The following ABCC4 variants were observed in gnomAD, a reference collection of about 807,000 sequenced individuals.
The protein encoded by ABCC4 is ATP-binding cassette sub-family C member 4.
In ABCC4, 102 loss-of-function variants were observed where a neutral mutation model predicts 168.5. The ratio of observed to expected loss-of-function variants is 0.61; its 90% confidence interval spans 0.52 to 0.71. ABCC4 has a LOEUF of 0.71. ABCC4 is among the 30% of genes least tolerant of loss of function. The pLI is 0.00. For synonymous variants in ABCC4, 617 were observed against 590.7 expected (o/e 1.04, Z -0.65); for missense variants, 1,402 against 1,605.8 (o/e 0.87, Z 2.17).
At chr13:95,200,494 G>A (rs1337376254) in intron 8 of ABCC4, among the ~76,000 whole-genome samples, 4 of 152,128 alleles carry the variant, frequency 2.6e-5, no homozygotes, top group Admixed American at 2.0e-4. Context: ...AGGCCGACGC[G>A]GGTGGATCAC....
At position 95,213,935 on chromosome 13, in the gene ABCC4, C is replaced by A. The variant is rs577882482; in HGVS notation, c.532-3154G>T. ...GAAACAATAAAATGTGACCTGTAATCAAAGGAGGGAAATGGCAACAGAAAT... is the reference window on the plus strand; with the variant it reads ...GAAACAATAAAATGTGACCTGTAATAAAAGGAGGGAAATGGCAACAGAAAT... On this transcript the variant is annotated intron_variant, in intron 4 of 30. Transcript: ENST00000645237. Among the ~76,000 whole-genome samples, 8 of 151,908 alleles carry A rather than the reference C, an allele frequency of 5.3e-5. No individual in the cohort carries two copies. In the South Asian group the frequency reaches 6.3e-4, roughly 12 times the overall value.
At chr13:95,145,223 C>T (rs2139491469) in intron 19 of ABCC4, among the ~76,000 whole-genome samples, 1 of 152,232 alleles carries the variant, frequency 6.6e-6, no homozygotes, top group Middle Eastern at 3.4e-3. Flanking sequence ...TTGTGGGAAG[C>T]AGTCTGGAGA....
intron 1 of ABCC4, among the ~76,000 whole-genome samples, chr13:95,295,074 C>T (rs2041494818): frequency 6.6e-6 from 1 of 152,168 alleles, no homozygotes; most frequent in South Asian, 2.1e-4. Flanking sequence ...AGACACCGAT[C>T]AAGTAGAATT....
chr13:95,071,933 T>C (rs1452151213), intron 24 of ABCC4, 80 bp from the exon 25 acceptor site: 3 of 1,088,570 alleles, frequency 2.8e-6, no homozygotes, highest in African/African-American at 1.6e-5. Flanking sequence ...AATGAAATGT[T>C]CTTCTTTCAT....
intron 8 of ABCC4, among the ~76,000 whole-genome samples, chr13:95,198,437 T>C (rs1323882709): frequency 1.3e-5 from 2 of 152,132 alleles, no homozygotes; most frequent in Non-Finnish European, 2.9e-5. Context: ...AGAATGGTGA[T>C]CATTAAAAAG....
intron 25 of ABCC4, 111 bp downstream of exon 25, chr13:95,071,551 A>C: frequency 1.8e-5 from 16 of 901,522 alleles, no homozygotes; most frequent in Non-Finnish European, 2.3e-5. Context: ...TTTCCAAGAC[A>C]GGTTAACCTA....
At chr13:95,065,806 C>T (rs1373939654) in intron 25 of ABCC4, among the ~76,000 whole-genome samples, 1 of 152,138 alleles carries the variant, frequency 6.6e-6, no homozygotes, top group Non-Finnish European at 1.5e-5. Context: ...AATTCACTAA[C>T]CAGGGTATTA....
Position 95,131,778 on chromosome 13 carries a change from A to G in ABCC4, c.2456-15777T>C, listed in dbSNP as rs147285456. On this transcript the variant is annotated intron_variant, in intron 19 of 30. Coordinates refer to ENST00000645237, the MANE Select transcript of ABCC4 (RefSeq NM_005845.5). The stretch of plus-strand genomic sequence containing the variant: ...CCTTACACCCAGGAGCATGGCTACT[A>G]TCATAAAACCAGAAAATACCAAGTG... Among the ~76,000 whole-genome samples, 334 of 152,334 alleles carry G rather than the reference A, an allele frequency of 2.2e-3. 1 individual carries two copies. Among genetic ancestry groups the G allele is most frequent in the African/African-American group, 7.7e-3 (321 of 41,578 alleles).
intron 1 of ABCC4, among the ~76,000 whole-genome samples, chr13:95,270,968 G>A (rs377155522): frequency 6.4e-4 from 98 of 152,262 alleles, no homozygotes; most frequent in East Asian, 2.3e-3. Flanking sequence ...GGTGGCAGCC[G>A]CCTGTAGTCC....
At chr13:95,154,406 TATTCTC>T (rs1160652893) in intron 19 of ABCC4, among the ~76,000 whole-genome samples, 7 of 152,218 alleles carry the variant, frequency 4.6e-5, no homozygotes, top group Non-Finnish European at 1.0e-4. Flanking sequence ...GGACGGTTGT[TATTCTC>T]AATTTCTTAC....
chr13:95,183,843 G>A (rs1229698223), intron 11 of ABCC4, among the ~76,000 whole-genome samples: 1 of 152,168 alleles, frequency 6.6e-6, no homozygotes, highest in Non-Finnish European at 1.5e-5. Flanking sequence ...GAGCCTGGGA[G>A]GCGGAGGTTG....
At chr13:95,278,047 C>A (rs2041014673) in intron 1 of ABCC4, among the ~76,000 whole-genome samples, 1 of 152,186 alleles carries the variant, frequency 6.6e-6, no homozygotes, top group African/African-American at 2.4e-5. Flanking sequence ...ACCCCCTACC[C>A]CACCGCGGTC....
At chr13:95,047,087 T>C (rs765110921) in intron 27 of ABCC4, among the ~76,000 whole-genome samples, 4 of 152,198 alleles carry the variant, frequency 2.6e-5, no homozygotes, top group Non-Finnish European at 5.9e-5. Flanking sequence ...GAAGCAAATG[T>C]AGCAAAATAC....
chr13:95,270,020 T>C (rs1405736144), intron 1 of ABCC4, among the ~76,000 whole-genome samples: 1 of 152,174 alleles, frequency 6.6e-6, no homozygotes, highest in Non-Finnish European at 1.5e-5. Context: ...TACTGTTCCC[T>C]CTACTTTTGT....
intron 20 of ABCC4, among the ~76,000 whole-genome samples, chr13:95,084,090 G>A (rs1214084529): frequency 6.6e-6 from 1 of 152,208 alleles, no homozygotes; most frequent in Non-Finnish European, 1.5e-5. Context: ...TTTGGAAGTG[G>A]GGAGTCATCT....
chr13:95,100,854 G>A (rs2034776716), intron 20 of ABCC4, among the ~76,000 whole-genome samples: 1 of 152,158 alleles, frequency 6.6e-6, no homozygotes, highest in Non-Finnish European at 1.5e-5. Flanking sequence ...GGGATTTGAG[G>A]GTAGGAGTTG....
intron 19 of ABCC4, among the ~76,000 whole-genome samples, chr13:95,123,939 G>C (rs2035663567): frequency 6.6e-6 from 1 of 152,164 alleles, no homozygotes; most frequent in Non-Finnish European, 1.5e-5. Context: ...GAAGAATGTG[G>C]ACTTTGATCA....
chr13:95,029,211 TATAGAGAGAGAGAGAG>T (rs2031730684), intron 30 of ABCC4, among the ~76,000 whole-genome samples: 8 of 43,594 alleles, frequency 1.8e-4, no homozygotes, highest in African/African-American at 7.3e-4. Context: ...TATATATATA[TATAGAGAGAGAGAGAG>T]AGAGAGAGAG....
At chr13:95,278,534 C>T (rs2138907071) in intron 1 of ABCC4, among the ~76,000 whole-genome samples, 1 of 152,284 alleles carries the variant, frequency 6.6e-6, no homozygotes, top group East Asian at 1.9e-4. Flanking sequence ...GTGGCTCACG[C>T]CTATAATCCC....
Sources: gnomAD v4.1 joint callset for allele counts (sites outside exome capture counted in the v4.1 genomes callset) on GRCh38, gnomAD v4.1.1 for gene constraint, MANE v1.5 for transcripts, NCBI Gene and HGNC (gene_info 2026-07-23, HGNC 2026-07-21) for gene names.